Variants in TENM2 observed in about 807,000 individuals in gnomAD.
TENM2 encodes teneurin-2.
TENM2 carries 52 observed loss-of-function variants against 245.2 expected under a neutral mutation model. The observed-to-expected ratio is 0.21, with a 90% CI of 0.17 to 0.27. The LOEUF (loss-of-function observed/expected upper bound fraction) is 0.27, where lower values mean the gene tolerates loss of function less well. Ranked by LOEUF, TENM2 falls within the 10% of genes least tolerant of loss-of-function variation. TENM2 has a pLI of 1.00. For synonymous variants in TENM2, 1,363 were observed against 1,438.9 expected, an observed-to-expected ratio of 0.95 and a Z score of 1.19; for missense variants, 3,046 against 3,666.8, an observed-to-expected ratio of 0.83 and a Z score of 4.37.
chr5:168,003,342 CA>C lies in TENM2; in HGVS notation c.1186+10161del, dbSNP rs1333020589. 2.9e-3 allele frequency among the ~76,000 whole-genome samples: 273 copies of C among 95,696 alleles called. 3 individuals carry two copies. The highest frequency in any genetic ancestry group is 0.02 in the Middle Eastern group (4 of 200). The allele number at this position is 95,696 out of a possible 152,430, so 62.8% of individuals were successfully genotyped here. On this transcript the variant is annotated intron_variant, in intron 5 of 28. Coordinates refer to ENST00000518659, the Ensembl canonical transcript of TENM2. ...ACACACACACACACACACACACACA[CA>C]CACCCCCAAAGCTGGCATAACTGTG...
At chr5:167,622,083 G>A (rs1156834363) in intron 2 of TENM2, among the ~76,000 whole-genome samples, 1 of 152,134 alleles carries the variant, frequency 6.6e-6, no homozygotes, top group Non-Finnish European at 1.5e-5. Flanking sequence ...GATTACATAA[G>A]TGTTTCAATT....
chr5:167,563,850 G>A (rs1048604144), intron 2 of TENM2, among the ~76,000 whole-genome samples: 6 of 152,186 alleles, frequency 3.9e-5, no homozygotes, highest in Non-Finnish European at 7.3e-5. Flanking sequence ...TTGAAGCCTG[G>A]TAGCAACAGG....
chr5:167,940,072 TAC>T (rs1779052339), intron 3 of TENM2, among the ~76,000 whole-genome samples: 1 of 152,186 alleles, frequency 6.6e-6, no homozygotes, highest in Non-Finnish European at 1.5e-5. Flanking sequence ...AAAAAATTAC[TAC>T]AGTTTGCATG....
intron 2 of TENM2, among the ~76,000 whole-genome samples, chr5:167,790,636 C>T (rs900143544): frequency 2.6e-5 from 4 of 152,144 alleles, no homozygotes; most frequent in African/African-American, 9.7e-5. Flanking sequence ...GAGGTGCCTC[C>T]GCCATCTTGC....
At chr5:168,051,964 C>G (rs1459165578) in intron 6 of TENM2, among the ~76,000 whole-genome samples, 1 of 152,132 alleles carries the variant, frequency 6.6e-6, no homozygotes, top group Non-Finnish European at 1.5e-5. Flanking sequence ...CTATATTTTC[C>G]AAAGGTGAAG....
chr5:167,187,290 G>A, the TENM2 span, among the ~76,000 whole-genome samples: 1 of 152,132 alleles, frequency 6.6e-6, no homozygotes, highest in Admixed American at 6.6e-5. Context: ...GGAAGCCATG[G>A]CAAAAGGGAA....
intron 25 of TENM2, chr5:168,229,572 G>GGAA (rs1562310137): frequency 1.3e-5 from 2 of 151,972 alleles, no homozygotes; most frequent in African/African-American, 4.8e-5. Context: ...ACAAGCACTA[G>GGAA]GAAGTCAGTA....
chr5:167,637,679 T>G (rs1321879036), intron 2 of TENM2, among the ~76,000 whole-genome samples: 1 of 152,110 alleles, frequency 6.6e-6, no homozygotes, highest in African/African-American at 2.4e-5. Context: ...GGGACATGGA[T>G]GAAGCTGGAA....
chr5:167,307,064 A>G (rs1022367991), intron 1 of TENM2, among the ~76,000 whole-genome samples: 10 of 152,192 alleles, frequency 6.6e-5, no homozygotes, highest in African/African-American at 2.4e-4. Flanking sequence ...TGTGAAAACC[A>G]TACTCCCCGC....
At chr5:167,950,305 G>A (rs1779980602) in intron 3 of TENM2, among the ~76,000 whole-genome samples, 1 of 152,146 alleles carries the variant, frequency 6.6e-6, no homozygotes, top group Non-Finnish European at 1.5e-5. Flanking sequence ...TAACACAGAT[G>A]GACCTCACAA....
At chr5:167,586,170 T>TA (rs1251857892) in intron 2 of TENM2, among the ~76,000 whole-genome samples, 91 of 78,952 alleles carry the variant, frequency 1.2e-3, no homozygotes, top group Admixed American at 5.9e-3. Flanking sequence ...ATAATACAAA[T>TA]AAAAAAACAG....
intron 2 of TENM2, among the ~76,000 whole-genome samples, chr5:167,690,918 C>T (rs1187076336): frequency 3.0e-5 from 3 of 99,950 alleles, no homozygotes; most frequent in South Asian, 8.4e-4. Context: ...TCCGTATATG[C>T]GAGTATGTGT....
chr5:168,048,420 G>A (rs569735271), intron 6 of TENM2, among the ~76,000 whole-genome samples: 68 of 152,162 alleles, frequency 4.5e-4, no homozygotes, highest in African/African-American at 1.6e-3. Context: ...CCCACATTTC[G>A]GAAACACCCT....
intron 7 of TENM2, among the ~76,000 whole-genome samples, chr5:168,089,453 T>C (rs1014314276): frequency 6.6e-6 from 1 of 152,192 alleles, no homozygotes; most frequent in Non-Finnish European, 1.5e-5. Context: ...TCATCTATTA[T>C]TTAGAACAGG....
intron 2 of TENM2, among the ~76,000 whole-genome samples, chr5:167,673,843 A>G (rs1183933590): frequency 1.3e-5 from 2 of 152,060 alleles, no homozygotes; most frequent in Admixed American, 6.6e-5. Flanking sequence ...GCACTTGACA[A>G]CTAATGAATA....
At chr5:167,203,361 C>T in the TENM2 span, among the ~76,000 whole-genome samples, 14 of 152,300 alleles carry the variant, frequency 9.2e-5, no homozygotes, top group Admixed American at 2.6e-4. Context: ...ATCTATGCCT[C>T]TTTCTCTCCG....
chr5:167,918,617 C>T (rs1436670922), intron 3 of TENM2, among the ~76,000 whole-genome samples: 3 of 152,256 alleles, frequency 2.0e-5, no homozygotes, highest in South Asian at 2.1e-4. Context: ...GGGAGGGAGA[C>T]AGGAGCCGTG....
intron 2 of TENM2, among the ~76,000 whole-genome samples, chr5:167,634,789 TC>T: frequency 6.6e-6 from 1 of 152,298 alleles, no homozygotes; most frequent in African/African-American, 2.4e-5. Context: ...CATTCATTTG[TC>T]CTCAAAAACC....
intron 3 of TENM2, among the ~76,000 whole-genome samples, chr5:167,900,937 C>T (rs970971815): frequency 2.6e-5 from 4 of 151,362 alleles, no homozygotes; most frequent in African/African-American, 7.3e-5. Context: ...AGGAGTCCTG[C>T]GGGGTGGGGG....
Sources: gnomAD v4.1 joint callset for allele counts (sites outside exome capture counted in the v4.1 genomes callset) on GRCh38, gnomAD v4.1.1 for gene constraint, MANE v1.5 for transcripts, NCBI Gene and HGNC (gene_info 2026-07-23, HGNC 2026-07-21) for gene names.